The following PDE4D variants were observed in gnomAD, a reference collection of about 807,000 sequenced individuals.
PDE4D encodes phosphodiesterase 4D.
A neutral mutation model predicts 87.4 loss-of-function variants in PDE4D; 24 were observed. The ratio of observed to expected loss-of-function variants is 0.27; its 90% confidence interval spans 0.20 to 0.39. The LOEUF (loss-of-function observed/expected upper bound fraction) is 0.39. Ranked by LOEUF, PDE4D falls within the 10% of genes least tolerant of loss-of-function variation. The pLI is 1.00. For missense variants in PDE4D, 714 were observed against 1,041.0 expected (o/e 0.69, Z 4.32); for synonymous variants, 384 against 383.2 (o/e 1.00, Z -0.02).
chr5:59,918,891 C>T (rs997380691), intron 3 of PDE4D, among the ~76,000 whole-genome samples: 2 of 152,180 alleles, frequency 1.3e-5, no homozygotes, highest in Non-Finnish European at 2.9e-5. Context: ...CATGCCTAGA[C>T]TCCTGACCCT....
chr5:59,426,410 C>T (rs536335670), intron 1 of PDE4D, among the ~76,000 whole-genome samples: 1 of 152,244 alleles, frequency 6.6e-6, no homozygotes, highest in East Asian at 1.9e-4. Flanking sequence ...TCCTTCCTGT[C>T]TTCTGGATCT....
At chr5:58,990,771 TA>T in intron 9 of PDE4D, 32 bp downstream of exon 9, 1 of 1,157,092 alleles carries the variant, frequency 8.6e-7, no homozygotes, top group Non-Finnish European at 1.3e-6. Flanking sequence ...AGTTCCTAAA[TA>T]AAATAAATGT....
At chr5:59,435,129 T>C (rs1796621723) in intron 1 of PDE4D, among the ~76,000 whole-genome samples, 1 of 152,108 alleles carries the variant, frequency 6.6e-6, no homozygotes, top group Non-Finnish European at 1.5e-5. Context: ...CAATTATCTT[T>C]CCCCCTATGT....
chr5:59,411,623 TTG>T (rs1399258801), intron 1 of PDE4D, among the ~76,000 whole-genome samples: 1 of 152,166 alleles, frequency 6.6e-6, no homozygotes, highest in Non-Finnish European at 1.5e-5. Context: ...TAATGTCTCT[TTG>T]TGAGTCCAAA....
At position 59,440,478 on chromosome 5, in the gene PDE4D, A is replaced by G. The variant is rs541549497; in HGVS notation, c.456-224510T>C. Among the ~76,000 whole-genome samples the G allele has an allele frequency of 2.0e-5, 3 of 152,350 alleles. No homozygotes were observed. In the South Asian group the frequency reaches 6.2e-4, roughly 32 times the overall value. ...ACTTGGTGCCATCAAGCACTATTCT[A>G]AGAATTTTTCATGTAACACTGGTCG... On this transcript the variant is annotated intron_variant, in intron 1 of 14. Transcript: ENST00000340635.
chr5:60,136,261 T>C (rs1780035463), intron 2 of PDE4D, among the ~76,000 whole-genome samples: 1 of 152,144 alleles, frequency 6.6e-6, no homozygotes, highest in Non-Finnish European at 1.5e-5. Flanking sequence ...AAAGCCTAAA[T>C]AAGAAATTAA....
chr5:59,028,060 T>C (rs773062870), intron 6 of PDE4D, among the ~76,000 whole-genome samples: 1 of 152,188 alleles, frequency 6.6e-6, no homozygotes, highest in Non-Finnish European at 1.5e-5. Flanking sequence ...GAAGAACGTA[T>C]GTACATTCAT....
chr5:59,983,020 T>C (rs1225196789), intron 3 of PDE4D, among the ~76,000 whole-genome samples: 1 of 152,214 alleles, frequency 6.6e-6, no homozygotes, highest in Non-Finnish European at 1.5e-5. Context: ...TTCCTACTTT[T>C]GCTTTTTTAA....
At chr5:60,520,709 A>G (rs966294805) in intron 1 of PDE4D, among the ~76,000 whole-genome samples, 1 of 152,238 alleles carries the variant, frequency 6.6e-6, no homozygotes, top group African/African-American at 2.4e-5. Flanking sequence ...TAGGTTGGGC[A>G]CTATTCACAG....
chr5:59,887,259 G>A (rs1467023196), intron 1 of PDE4D, among the ~76,000 whole-genome samples: 1 of 152,094 alleles, frequency 6.6e-6, no homozygotes, highest in Non-Finnish European at 1.5e-5. Context: ...GGTGAGGTTT[G>A]GGGCAATGGT....
At chr5:58,988,968 C>T (rs1747225196) in intron 10 of PDE4D, among the ~76,000 whole-genome samples, 1 of 152,086 alleles carries the variant, frequency 6.6e-6, no homozygotes, top group African/African-American at 2.4e-5. Context: ...TTTCTTTCAT[C>T]GAAACCAGGG....
At chr5:59,416,418 C>T (rs1466615838) in intron 1 of PDE4D, among the ~76,000 whole-genome samples, 6 of 152,014 alleles carry the variant, frequency 3.9e-5, no homozygotes, top group Non-Finnish European at 7.4e-5. Context: ...GGGGTTCGTT[C>T]GTAGTCTGAT....
chr5:59,424,648 G>A (rs1400836635), intron 1 of PDE4D, among the ~76,000 whole-genome samples: 2 of 152,122 alleles, frequency 1.3e-5, no homozygotes, highest in African/African-American at 2.4e-5. Flanking sequence ...TCACTATCAC[G>A]AGAGCAGCAT....
chr5:59,194,594 G>A (rs1243837829), intron 2 of PDE4D, among the ~76,000 whole-genome samples: 2 of 152,056 alleles, frequency 1.3e-5, no homozygotes, highest in African/African-American at 4.8e-5. Flanking sequence ...AAATAAAAAT[G>A]TGGGAAATAA....
chr5:59,195,405 G>T (rs1040355916), intron 2 of PDE4D, among the ~76,000 whole-genome samples: 2 of 152,216 alleles, frequency 1.3e-5, no homozygotes, highest in Admixed American at 1.3e-4. Context: ...GAGGGATGAA[G>T]CCAAGGAGGC....
At chr5:59,216,256 C>G (rs1751239647) in intron 1 of PDE4D, among the ~76,000 whole-genome samples, 1 of 152,180 alleles carries the variant, frequency 6.6e-6, no homozygotes, top group Admixed American at 6.5e-5. Flanking sequence ...ACATAATCTT[C>G]TAAGTACAAA....
At chr5:59,175,449 G>A (rs540249473) in intron 5 of PDE4D, among the ~76,000 whole-genome samples, 37 of 149,254 alleles carry the variant, frequency 2.5e-4, no homozygotes, top group African/African-American at 6.9e-4. Flanking sequence ...CATCACATTC[G>A]GAACTCTATC....
chr5:60,335,292 A>T (rs1757655320), intron 1 of PDE4D, among the ~76,000 whole-genome samples: 1 of 152,228 alleles, frequency 6.6e-6, no homozygotes, highest in Admixed American at 6.5e-5. Flanking sequence ...GAGAGAGTAG[A>T]AAAGGGAAGG....
intron 1 of PDE4D, among the ~76,000 whole-genome samples, chr5:59,416,595 G>A (rs1793656278): frequency 6.6e-6 from 1 of 152,148 alleles, no homozygotes; most frequent in Non-Finnish European, 1.5e-5. Flanking sequence ...AATTCGGGTA[G>A]TATCATTTAT....
Sources: gnomAD v4.1 joint callset for allele counts (sites outside exome capture counted in the v4.1 genomes callset) on GRCh38, gnomAD v4.1.1 for gene constraint, MANE v1.5 for transcripts, NCBI Gene and HGNC (gene_info 2026-07-23, HGNC 2026-07-21) for gene names.